PLEKHA6: variants seen among roughly 807,000 people sequenced by gnomAD.
PLEKHA6 encodes pleckstrin homology domain-containing family A member 6.
In PLEKHA6, 60 loss-of-function variants were observed where a neutral mutation model predicts 116.7. That is an observed-to-expected ratio of 0.51 (90% confidence interval 0.42 to 0.64). The LOEUF (loss-of-function observed/expected upper bound fraction) is 0.64, where lower values mean the gene tolerates loss of function less well. Among genes scored for constraint, PLEKHA6 ranks in the 30% least tolerant of loss-of-function variants. The pLI is 0.00. For missense variants in PLEKHA6, 1,338 were observed against 1,422.7 expected (o/e 0.94, Z 0.96); for synonymous variants, 489 against 556.1 (o/e 0.88, Z 1.70).
intron 3 of PLEKHA6, among the ~76,000 whole-genome samples, chr1:204,271,072 C>A (rs888558684): frequency 6.6e-6 from 1 of 152,218 alleles, no homozygotes; most frequent in Non-Finnish European, 1.5e-5. Flanking sequence ...CCACACGCAG[C>A]CCAGGATGGC....
chr1:204,261,187 C>T lies in PLEKHA6; in HGVS notation c.524+119G>A. On this transcript the variant is annotated intron_variant, in intron 7 of 22. Transcript: ENST00000272203. This position sits in a 1 kb window ranked among gnomAD's most constrained non-coding sequence, Gnocchi z 4.0. ...CGCCTGGATGCAAGGAGACGGCTCACACATTCTCCAGGGCTTCAAGTAGGC... is the reference window on the plus strand; with the variant it reads ...CGCCTGGATGCAAGGAGACGGCTCATACATTCTCCAGGGCTTCAAGTAGGC... 2 of 1,241,486 alleles carry T rather than the reference C, an allele frequency of 1.6e-6. 1 individual carries two copies. Among genetic ancestry groups the T allele is most frequent in the Non-Finnish European group, 2.3e-6 (2 of 852,588 alleles). The allele number at this position is 1,241,486 out of a possible 1,614,324, so 76.9% of individuals were successfully genotyped here.
chr1:204,267,154 C>G (rs765850814), intron 5 of PLEKHA6, among the ~76,000 whole-genome samples: 1 of 152,186 alleles, frequency 6.6e-6, no homozygotes, highest in Admixed American at 6.5e-5. Context: ...GTGACCTCCT[C>G]CTCTTTGTGC....
At chr1:204,365,862 T>C (rs1465852566) in intron 3 of PLEKHA6, among the ~76,000 whole-genome samples, 1 of 151,400 alleles carries the variant, frequency 6.6e-6, no homozygotes, top group African/African-American at 2.4e-5. Context: ...TGAAGAAAAG[T>C]AAGAGTAAGA....
chr1:204,280,672 C>T (rs1278813922), intron 1 of PLEKHA6, among the ~76,000 whole-genome samples: 1 of 152,224 alleles, frequency 6.6e-6, no homozygotes, highest in East Asian at 1.9e-4. Flanking sequence ...CAAGCCGAGA[C>T]TGTCCATGCT....
chr1:204,317,218 A>G (rs994168963), intron 1 of PLEKHA6: 1 of 976,424 alleles, frequency 1.0e-6, no homozygotes, highest in African/African-American at 1.8e-5. Context: ...TAGAATACCA[A>G]TCCAGGCCTA....
chr1:204,333,667 C>A (rs1456714663), intron 1 of PLEKHA6, among the ~76,000 whole-genome samples: 2 of 152,126 alleles, frequency 1.3e-5, no homozygotes, highest in Non-Finnish European at 2.9e-5. Flanking sequence ...CAGCTCAGAG[C>A]TCTCTCTCAC....
intron 1 of PLEKHA6, among the ~76,000 whole-genome samples, chr1:204,357,404 C>G (rs1411855096): frequency 1.3e-5 from 2 of 152,204 alleles, no homozygotes; most frequent in Non-Finnish European, 2.9e-5. Flanking sequence ...GGCTTCCACT[C>G]AGCCTACCCT....
At chr1:204,247,139 G>C (rs1023232602) in intron 13 of PLEKHA6, among the ~76,000 whole-genome samples, 4 of 151,958 alleles carry the variant, frequency 2.6e-5, no homozygotes, top group African/African-American at 9.7e-5. Context: ...CCCATCCCAA[G>C]AGGAAAAAAA....
rs2102409830 is a variant in PLEKHA6 at position 204,228,312 on chromosome 1, A to C, written c.2886-84T>G. 7.5e-7 allele frequency: 1 copy of C among 1,332,796 alleles called. No individual in the cohort carries two copies. Among genetic ancestry groups the C allele is most frequent in the Middle Eastern group, 1.9e-4 (1 of 5,234 alleles). 82.6% of individuals were successfully genotyped at this position (1,332,796 alleles called of 1,614,324 possible). A position where few individuals can be genotyped will look rare whatever the true frequency, so the allele number is the denominator to read the frequency against. ...AGGGGGCCTGCGGACTGAGGTTGGC[A>C]GGGAGGGCCAGGGCCCCGTGAATGT... On this transcript the variant is annotated intron_variant, in intron 20 of 22. Transcript: ENST00000272203. The surrounding 1 kb of genome is among the most constrained non-coding windows in gnomAD (Gnocchi z 4.0).
chr1:204,348,560 G>A (rs772806456), intron 1 of PLEKHA6, among the ~76,000 whole-genome samples: 1 of 152,170 alleles, frequency 6.6e-6, no homozygotes. Context: ...ACCGAGCAGT[G>A]TGGATTCCTT....
rs147399771 is a variant in PLEKHA6, at chr1:204,353,915, A to C, written c.-95+5779T>G. ...TCCCCAGTGAGACAGCCCCAGTTTCAAGTGAGGTTAGCAGGATTGCTGGAT... is the reference window on the plus strand; with the variant it reads ...TCCCCAGTGAGACAGCCCCAGTTTCCAGTGAGGTTAGCAGGATTGCTGGAT... On this transcript the variant is annotated intron_variant, in intron 1 of 22. Coordinates refer to ENST00000272203, the MANE Select transcript of PLEKHA6 (RefSeq NM_014935.5). 1.8e-4 allele frequency among the ~76,000 whole-genome samples: 27 copies of C among 152,244 alleles called. No homozygotes were observed. The East Asian group carries it at 5.2e-3, about 29-fold the overall frequency.
chr1:204,233,556 C>T (rs747644025), intron 17 of PLEKHA6, among the ~76,000 whole-genome samples: 96 of 152,190 alleles, frequency 6.3e-4, no homozygotes, highest in African/African-American at 2.1e-3. Flanking sequence ...CCACCAGCCT[C>T]GGCCTCCCAA....
chr1:204,256,808 A>T (rs1665361073), intron 9 of PLEKHA6: 3 of 646,538 alleles, frequency 4.6e-6, no homozygotes, highest in African/African-American at 1.8e-5. Flanking sequence ...GTACCATCTT[A>T]TCGTGGACCG....
intron 1 of PLEKHA6, among the ~76,000 whole-genome samples, chr1:204,314,496 C>G (rs4245727): frequency 0.51 from 76,956 of 152,050 alleles, 20,044 homozygotes; most frequent in Middle Eastern, 0.62. Flanking sequence ...AAGACTGATC[C>G]TAACTGGCCA....
At chr1:204,296,530 C>G (rs1004471541) in intron 1 of PLEKHA6, among the ~76,000 whole-genome samples, 7 of 152,188 alleles carry the variant, frequency 4.6e-5, no homozygotes, top group African/African-American at 9.7e-5. Flanking sequence ...CCCACCTTCC[C>G]CAAAGGGCAT....
At chr1:204,250,451 G>A (rs757705281) in intron 10 of PLEKHA6, 95 bp downstream of exon 10, 44 of 838,216 alleles carry the variant, frequency 5.2e-5, no homozygotes, top group African/African-American at 2.0e-4. Context: ...GACAGCCCCC[G>A]CAGAGGAAGA....
chr1:204,279,665 A>G (rs1668395894), intron 1 of PLEKHA6, among the ~76,000 whole-genome samples: 1 of 152,202 alleles, frequency 6.6e-6, no homozygotes, highest in Non-Finnish European at 1.5e-5. Flanking sequence ...TAAACTCCAG[A>G]GCAGTCCAGT....
intron 1 of PLEKHA6, among the ~76,000 whole-genome samples, chr1:204,345,748 C>T (rs1673018662): frequency 6.6e-6 from 1 of 152,184 alleles, no homozygotes; most frequent in Admixed American, 6.5e-5. Context: ...TGTTCTGCTC[C>T]CCCTGACCCC....
At chr1:204,281,614 T>A (rs1394452571) in intron 1 of PLEKHA6, among the ~76,000 whole-genome samples, 3 of 152,066 alleles carry the variant, frequency 2.0e-5, no homozygotes, top group Non-Finnish European at 2.9e-5. Context: ...ACCCCTACTG[T>A]CTCTCTTCCA....
Sources: gnomAD v4.1 joint callset for allele counts (sites outside exome capture counted in the v4.1 genomes callset) on GRCh38, gnomAD v4.1.1 for gene constraint, Gnocchi (gnomAD v3.1) non-coding constraint, MANE v1.5 for transcripts, NCBI Gene and HGNC (gene_info 2026-07-23, HGNC 2026-07-21) for gene names.